TMEM108: variants seen among roughly 807,000 people sequenced by gnomAD.
The protein encoded by TMEM108 is transmembrane protein 108.
Under a neutral mutation model 35.1 loss-of-function variants are expected in TMEM108, and 12 were observed. That is an observed-to-expected ratio of 0.34 (90% CI 0.22 to 0.55). The LOEUF (loss-of-function observed/expected upper bound fraction) is 0.55, where lower values mean the gene tolerates loss of function less well. Ranked by LOEUF, TMEM108 falls within the 20% of genes least tolerant of loss-of-function variation. The pLI, the probability that TMEM108 is intolerant of heterozygous loss-of-function variation, is 0.89. For missense variants in TMEM108, 680 were observed against 753.3 expected (o/e 0.90, Z 1.14); for synonymous variants, 287 against 308.6 (o/e 0.93, Z 0.73).
At chr3:133,148,731 C>T (rs940667003) in intron 2 of TMEM108, among the ~76,000 whole-genome samples, 5 of 152,108 alleles carry the variant, frequency 3.3e-5, no homozygotes, top group Admixed American at 2.6e-4. Context: ...TATGGTGGCT[C>T]ATGTCTGTAA....
intron 2 of TMEM108, among the ~76,000 whole-genome samples, chr3:133,159,691 G>A (rs559663358): frequency 6.6e-6 from 1 of 152,288 alleles, no homozygotes; most frequent in African/African-American, 2.4e-5. Context: ...GCGGATGAGG[G>A]AGCTGAGTCA....
At chr3:133,356,880 G>A (rs2072189362) in intron 3 of TMEM108, among the ~76,000 whole-genome samples, 1 of 152,094 alleles carries the variant, frequency 6.6e-6, no homozygotes, top group Non-Finnish European at 1.5e-5. Context: ...AGATAACGTT[G>A]GAAAATCTCT....
In TMEM108 at chr3:133,380,607, A is replaced by C. The variant is rs1158987226; in HGVS notation, c.896A>C (p.Asp299Ala). ...TTCACCAGCCAAGGAGGGACACCAG[A>C]TGCCACAGCAGCCTCAGGTGCCCCT... Reference protein sequence around the residue: ...STFTSQGGTPDATAASGAPVS... With the variant: ...STFTSQGGTPAATAASGAPVS... The change falls in exon 4 of 6, where the codon GAT (aspartate) becomes GCT (alanine). Residue 299 changes from aspartate (D) to alanine (A), a missense_variant. Coordinates refer to ENST00000321871, the MANE Select transcript of TMEM108 (RefSeq NM_023943.4). This position sits in a 1 kb window ranked among gnomAD's most constrained non-coding sequence, Gnocchi z 5.3. The C allele has an allele frequency of 1.9e-6, 3 of 1,613,234 alleles. No individual in the cohort carries two copies. In the East Asian group the frequency reaches 6.7e-5, roughly 36 times the overall value.
chr3:133,385,632 A>G (rs974465008), intron 4 of TMEM108, among the ~76,000 whole-genome samples: 8 of 152,212 alleles, frequency 5.3e-5, no homozygotes, highest in African/African-American at 1.9e-4. Flanking sequence ...CTCATCGACA[A>G]AACAAAGGGG....
chr3:133,331,767 T>C (rs1399793933), intron 3 of TMEM108, among the ~76,000 whole-genome samples: 1 of 152,194 alleles, frequency 6.6e-6, no homozygotes, highest in African/African-American at 2.4e-5. Context: ...AGCAATCTTA[T>C]TAGTACTTGT....
intron 2 of TMEM108, among the ~76,000 whole-genome samples, chr3:133,215,150 T>G (rs1945888096): frequency 6.6e-6 from 1 of 152,154 alleles, no homozygotes; most frequent in Non-Finnish European, 1.5e-5. Context: ...TGTTTCTGAT[T>G]AAAGACACCT....
At chr3:133,077,313 C>T (rs1943754228) in intron 2 of TMEM108, among the ~76,000 whole-genome samples, 1 of 152,174 alleles carries the variant, frequency 6.6e-6, no homozygotes, top group Admixed American at 6.5e-5. Context: ...TTCTCCTACT[C>T]ATATTTTTTT....
intron 2 of TMEM108, among the ~76,000 whole-genome samples, chr3:133,195,305 T>A (rs769217582): frequency 5.3e-5 from 8 of 152,188 alleles, no homozygotes; most frequent in Non-Finnish European, 1.0e-4. Context: ...TAATATCTCA[T>A]CCTAAGGGAG....
At chr3:133,103,968 A>T (rs1944119664) in intron 2 of TMEM108, among the ~76,000 whole-genome samples, 2 of 152,218 alleles carry the variant, frequency 1.3e-5, no homozygotes. Context: ...TGTGAAACCA[A>T]AGAGTTCATA....
At chr3:133,133,611 C>T (rs1463863794) in intron 2 of TMEM108, among the ~76,000 whole-genome samples, 1 of 152,008 alleles carries the variant, frequency 6.6e-6, no homozygotes. Flanking sequence ...GGCCTATTCA[C>T]TTAACATAAT....
In TMEM108 at chr3:133,190,954, ATGATTTGGTCAGAGTTATTGAAGAGC is replaced by A. The variant is rs534815721; in HGVS notation, c.-46-38309_-46-38284del. The stretch of plus-strand genomic sequence containing the variant: ...TTTAGCCATTGGTGCCAGATATGTT[ATGATTTGGTCAGAGTTATTGAAGAGC>A]TGGTATTTCAATTAAATGGTAGTTC... On this transcript the variant is annotated intron_variant, in intron 2 of 5. Transcript: ENST00000321871. Among the ~76,000 whole-genome samples the A allele has an allele frequency of 2.0e-5, 3 of 152,240 alleles. No individual in the cohort carries two copies. In the South Asian group the frequency reaches 6.2e-4, roughly 32 times the overall value.
At chr3:133,186,183 T>A (rs1266410969) in intron 2 of TMEM108, among the ~76,000 whole-genome samples, 1 of 152,248 alleles carries the variant, frequency 6.6e-6, no homozygotes, top group African/African-American at 2.4e-5. Flanking sequence ...ATTGTGTTAC[T>A]GTTTTCTCTA....
At chr3:133,181,605 A>G (rs980511332) in intron 2 of TMEM108, among the ~76,000 whole-genome samples, 9 of 152,190 alleles carry the variant, frequency 5.9e-5, no homozygotes, top group African/African-American at 2.2e-4. Context: ...ATCCCATTGC[A>G]AAGAGATTTT....
chr3:133,158,465 T>TAAA (rs11328701), intron 2 of TMEM108, among the ~76,000 whole-genome samples: 4 of 80,606 alleles, frequency 5.0e-5, no homozygotes, highest in East Asian at 3.5e-4. Context: ...AGACTCTGTC[T>TAAA]AAAAAAAAAA....
At chr3:133,310,582 C>G (rs2071114231) in intron 3 of TMEM108, among the ~76,000 whole-genome samples, 1 of 92,680 alleles carries the variant, frequency 1.1e-5, no homozygotes, top group Non-Finnish European at 2.0e-5. Context: ...CTTGGTAGAT[C>G]TTCCTCCATC....
intron 3 of TMEM108, among the ~76,000 whole-genome samples, chr3:133,319,259 G>A (rs181469993): frequency 1.2e-4 from 19 of 152,232 alleles, no homozygotes; most frequent in Admixed American, 5.2e-4. Context: ...TACCTGTCCC[G>A]GTAGCCAATC....
At chr3:133,194,991 A>C (rs1370616364) in intron 2 of TMEM108, among the ~76,000 whole-genome samples, 1 of 152,202 alleles carries the variant, frequency 6.6e-6, no homozygotes, top group African/African-American at 2.4e-5. Context: ...TATGTAAATC[A>C]TGTATGATCT....
intron 3 of TMEM108, among the ~76,000 whole-genome samples, chr3:133,277,871 CA>C (rs1946859204): frequency 6.6e-6 from 1 of 152,166 alleles, no homozygotes; most frequent in Non-Finnish European, 1.5e-5. Context: ...GTGCAAGGAG[CA>C]GCAATCTGTC....
At chr3:133,252,822 T>C (rs965319757) in intron 3 of TMEM108, among the ~76,000 whole-genome samples, 6 of 152,152 alleles carry the variant, frequency 3.9e-5, no homozygotes, top group Non-Finnish European at 5.9e-5. Flanking sequence ...CAAAGAAACA[T>C]AAAACACCAT....
Sources: gnomAD v4.1 joint callset for allele counts (sites outside exome capture counted in the v4.1 genomes callset) on GRCh38, gnomAD v4.1.1 for gene constraint, Gnocchi (gnomAD v3.1) non-coding constraint, MANE v1.5 for transcripts, NCBI Gene and HGNC (gene_info 2026-07-23, HGNC 2026-07-21) for gene names.